The following TCP11L1 variants were observed in gnomAD, a reference collection of about 807,000 sequenced individuals.
TCP11L1 encodes the protein T-complex protein 11-like protein 1.
In TCP11L1, 28 loss-of-function variants were observed where a neutral mutation model predicts 48.9. The observed-to-expected ratio is 0.57, with a 90% confidence interval of 0.42 to 0.78. TCP11L1 has a LOEUF of 0.78. Among genes scored for constraint, TCP11L1 ranks in the 30% least tolerant of loss-of-function variants. The pLI is 0.00. For missense variants in TCP11L1, 505 were observed against 613.4 expected, an observed-to-expected ratio of 0.82 and a Z score of 1.87; for synonymous variants, 204 against 231.9, an observed-to-expected ratio of 0.88 and a Z score of 1.09.
At chr11:33,059,588 A>G (rs1854413569) in intron 6 of TCP11L1, among the ~76,000 whole-genome samples, 1 of 152,246 alleles carries the variant, frequency 6.6e-6, no homozygotes, top group Admixed American at 6.5e-5. Flanking sequence ...GACGACTCTC[A>G]GAATCTAAAA....
intron 2 of TCP11L1, among the ~76,000 whole-genome samples, chr11:33,050,001 T>C (rs969040594): frequency 4.6e-5 from 7 of 152,200 alleles, no homozygotes; most frequent in Admixed American, 4.6e-4. Flanking sequence ...CGCAGTGTAT[T>C]GTGTCCCTGG....
intron 8 of TCP11L1, among the ~76,000 whole-genome samples, chr11:33,066,439 GC>G (rs1463680103): frequency 2.0e-5 from 3 of 152,140 alleles, no homozygotes; most frequent in African/African-American, 7.2e-5. Context: ...CATTTAGGAG[GC>G]GAGAGAAGAA....
At chr11:33,046,965 A>G (rs11032116) in intron 2 of TCP11L1, among the ~76,000 whole-genome samples, 6,345 of 152,190 alleles carry the variant, frequency 0.042, 433 homozygotes, top group African/African-American at 0.15. Flanking sequence ...GCTCATGCCT[A>G]TAAGCACTTT....
intron 4 of TCP11L1, 58 bp downstream of exon 4, chr11:33,057,293 T>A: frequency 6.2e-7 from 1 of 1,607,846 alleles, no homozygotes; most frequent in African/African-American, 1.3e-5. Flanking sequence ...TTTATTCAAC[T>A]TCTTGTGTCA....
At chr11:33,059,289 C>G (rs3758743) in intron 6 of TCP11L1, among the ~76,000 whole-genome samples, 194 bp downstream of exon 6, 107,330 of 152,124 alleles carry the variant, frequency 0.71, 38,044 homozygotes, top group East Asian at 0.87. Context: ...AAACTTAATT[C>G]ACAAGCAAAA....
chr11:33,056,646 T>A, intron 3 of TCP11L1: 1 of 241,956 alleles, frequency 4.1e-6, no homozygotes. Context: ...CACTGCAACC[T>A]CTGGCCAGGC....
At chr11:33,046,086 C>T (rs763934451) in intron 2 of TCP11L1, among the ~76,000 whole-genome samples, 2 of 152,244 alleles carry the variant, frequency 1.3e-5, no homozygotes, top group Non-Finnish European at 2.9e-5. Flanking sequence ...ATTCAAGCCA[C>T]GAAGGGTTTT....
intron 1 of TCP11L1, among the ~76,000 whole-genome samples, chr11:33,041,767 C>A (rs1317563674): frequency 4.5e-4 from 67 of 150,528 alleles, no homozygotes; most frequent in Non-Finnish European, 2.5e-4. Flanking sequence ...AAAAAAAAAA[C>A]AAAAAAACAG....
At chr11:33,064,207 GCTGT>G (rs1170892054) in intron 7 of TCP11L1, among the ~76,000 whole-genome samples, 1 of 152,230 alleles carries the variant, frequency 6.6e-6, no homozygotes, top group East Asian at 1.9e-4. Flanking sequence ...CCTGGGGACA[GCTGT>G]CTACTCCAGG....
intron 3 of TCP11L1, chr11:33,056,531 A>C (rs758386836): frequency 6.4e-6 from 1 of 156,492 alleles, no homozygotes; most frequent in Non-Finnish European, 1.4e-5. Flanking sequence ...AAAGTCCTTC[A>C]ACCTACTACA....
At chr11:33,061,778 C>A in intron 7 of TCP11L1, 52 bp downstream of exon 7, 1 of 1,505,784 alleles carries the variant, frequency 6.6e-7, no homozygotes, top group Non-Finnish European at 8.9e-7. Flanking sequence ...TGCTGCTGAA[C>A]TTTTTAAAAA....
At chr11:33,042,218 C>T (rs1473210973) in intron 1 of TCP11L1, among the ~76,000 whole-genome samples, 1 of 152,132 alleles carries the variant, frequency 6.6e-6, no homozygotes, top group Non-Finnish European at 1.5e-5. Context: ...GCAAGCTCTG[C>T]CTCCCGGGTT....
At chr11:33,072,027 G>C (rs1211737656) in intron 9 of TCP11L1, among the ~76,000 whole-genome samples, 1 of 151,892 alleles carries the variant, frequency 6.6e-6, no homozygotes, top group Non-Finnish European at 1.5e-5. Flanking sequence ...TATATTTTTA[G>C]TAGAGACGGG....
At chr11:33,041,822 T>G (rs1412152539) in intron 1 of TCP11L1, among the ~76,000 whole-genome samples, 1 of 151,830 alleles carries the variant, frequency 6.6e-6, no homozygotes, top group East Asian at 1.9e-4. Context: ...TTTAATGGAG[T>G]TCTCTGAAAT....
At chr11:33,044,476 G>A (rs1231564715) in intron 2 of TCP11L1, among the ~76,000 whole-genome samples, 1 of 152,212 alleles carries the variant, frequency 6.6e-6, no homozygotes, top group Non-Finnish European at 1.5e-5. Context: ...ATTCCCAGTG[G>A]TTGCCTCAAC....
chr11:33,050,651 ATAAC>A (rs1224814137), intron 2 of TCP11L1, among the ~76,000 whole-genome samples: 1 of 53,130 alleles, frequency 1.9e-5, no homozygotes, highest in African/African-American at 9.0e-5. Context: ...CAAAAAACAA[ATAAC>A]AAAAAAACCT....
chr11:33,067,595 C>T (rs1005155490), intron 8 of TCP11L1, among the ~76,000 whole-genome samples: 2 of 152,188 alleles, frequency 1.3e-5, no homozygotes, highest in East Asian at 3.9e-4. Context: ...TCAAAGCTCC[C>T]GCTGAGGGTG....
chr11:33,062,675 T>C (rs935002811), intron 7 of TCP11L1, among the ~76,000 whole-genome samples: 1 of 152,212 alleles, frequency 6.6e-6, no homozygotes, highest in Non-Finnish European at 1.5e-5. Flanking sequence ...TAATTCCCAT[T>C]GCCCCCGCCC....
At chr11:33,047,545 T>C (rs1411540329) in intron 2 of TCP11L1, among the ~76,000 whole-genome samples, 1 of 152,216 alleles carries the variant, frequency 6.6e-6, no homozygotes, top group Admixed American at 6.5e-5. Context: ...TTAGGACCTT[T>C]GTTTATTGGA....
Sources: allele counts gnomAD v4.1 joint callset (sites outside exome capture counted in the v4.1 genomes callset), GRCh38; gene constraint gnomAD v4.1.1; transcripts MANE v1.5; gene names NCBI Gene and HGNC (gene_info 2026-07-23, HGNC 2026-07-21).